The following BLNK variants were observed in gnomAD, a reference collection of about 807,000 sequenced individuals.
BLNK encodes the protein B cell linker.
BLNK carries 29 observed loss-of-function variants against 73.5 expected under a neutral mutation model. The observed-to-expected ratio is 0.39, with a 90% CI of 0.29 to 0.54. The LOEUF (loss-of-function observed/expected upper bound fraction) is 0.54. Ranked by LOEUF, BLNK falls within the 20% of genes least tolerant of loss-of-function variation. The pLI, the probability that BLNK is intolerant of heterozygous loss-of-function variation, is 0.61. For missense variants in BLNK, 460 were observed against 562.8 expected (o/e 0.82, Z 1.85); for synonymous variants, 176 against 200.8 (o/e 0.88, Z 1.04).
In BLNK at chr10:96,230,803, G is replaced by C; in HGVS notation, c.195C>G (p.Ser65=). ...AGGAGCAAATACTTACAAAGTCATC[G>C]GACCACTGCTCCTCTTCGTCAGCAG... is the stretch of plus-strand genomic sequence containing the variant. The part of the protein sequence containing the change: ...ESPADEEEQW[S]DDFDSDYENP... The change falls in exon 4 of 17, where the codon TCC becomes TCG. Residue 65 remains serine, a synonymous_variant. Transcript: ENST00000224337. 6.2e-7 allele frequency: 1 copy of C among 1,610,702 alleles called. No homozygotes were observed. The highest frequency in any genetic ancestry group is 8.5e-7 in the Non-Finnish European group (1 of 1,178,744).
chr10:96,271,288 G>A (rs1239239388), intron 1 of BLNK, 64 bp downstream of exon 1: 2 of 1,540,600 alleles, frequency 1.3e-6, no homozygotes, highest in African/African-American at 1.4e-5. Context: ...TTTCTGAGAT[G>A]CCATAAGAGC....
intron 16 of BLNK, among the ~76,000 whole-genome samples, chr10:96,194,867 T>C (rs1231259761): frequency 2.8e-5 from 4 of 140,892 alleles, no homozygotes; most frequent in African/African-American, 1.0e-4. Flanking sequence ...GCCTCCCGGG[T>C]TCACGCCATT....
chr10:96,199,421 A>G lies in BLNK; in HGVS notation c.1095+654T>C, dbSNP rs1179685472. 3 of 403,076 alleles carry G rather than the reference A, an allele frequency of 7.4e-6. No homozygotes were observed. In the East Asian group the frequency reaches 2.2e-4, roughly 30 times the overall value. The allele number at this position is 403,076 out of a possible 1,614,324, so 25.0% of individuals were successfully genotyped here. On this transcript the variant is annotated intron_variant, in intron 15 of 16. Coordinates refer to ENST00000224337, the MANE Select transcript of BLNK (RefSeq NM_013314.4). ...TTAATCCTGCACATTGATCCAAAAT[A>G]GCCTGTCACTGTTCACTCCTCAGTG...
chr10:96,208,896 G>C (rs1221419813), intron 9 of BLNK, among the ~76,000 whole-genome samples: 1 of 152,162 alleles, frequency 6.6e-6, no homozygotes, highest in Non-Finnish European at 1.5e-5. Context: ...GACGTATGCA[G>C]AGTTTTGGTT....
intron 13 of BLNK, among the ~76,000 whole-genome samples, chr10:96,202,884 G>A (rs1294239777): frequency 6.6e-6 from 1 of 152,158 alleles, no homozygotes; most frequent in African/African-American, 2.4e-5. Context: ...AGCTCTTTGT[G>A]GAATGAGCTA....
At chr10:96,212,465 G>T (rs1339593761) in intron 8 of BLNK, among the ~76,000 whole-genome samples, 2 of 152,136 alleles carry the variant, frequency 1.3e-5, no homozygotes, top group African/African-American at 4.8e-5. Context: ...TTCAGAGGAA[G>T]AAACTAAGAA....
At chr10:96,219,322 T>C (rs2084141315) in intron 6 of BLNK, among the ~76,000 whole-genome samples, 2 of 152,202 alleles carry the variant, frequency 1.3e-5, no homozygotes. Flanking sequence ...ACCTTTTTGG[T>C]TCTATGGGTT....
At chr10:96,265,964 G>A (rs1373423925) in intron 1 of BLNK, among the ~76,000 whole-genome samples, 2 of 152,218 alleles carry the variant, frequency 1.3e-5, no homozygotes, top group Non-Finnish European at 2.9e-5. Context: ...CCCTGATGGA[G>A]AACCATTGAT....
At chr10:96,210,680 G>A (rs187161241) in intron 8 of BLNK, among the ~76,000 whole-genome samples, 5 of 152,114 alleles carry the variant, frequency 3.3e-5, no homozygotes, top group African/African-American at 1.2e-4. Flanking sequence ...GGCCAGGAGG[G>A]GAGAGGCCAG....
At chr10:96,225,515 A>G (rs1373970964) in intron 5 of BLNK, among the ~76,000 whole-genome samples, 1 of 152,194 alleles carries the variant, frequency 6.6e-6, no homozygotes, top group Admixed American at 6.5e-5. Flanking sequence ...TTCTGTGCCT[A>G]TAACTCTTGT....
At chr10:96,245,246 G>A (rs2134087836) in intron 2 of BLNK, among the ~76,000 whole-genome samples, 1 of 152,210 alleles carries the variant, frequency 6.6e-6, no homozygotes, top group African/African-American at 2.4e-5. Context: ...TTTTAGCATA[G>A]ATTAAAACGA....
At chr10:96,212,180 A>C (rs1209783941) in intron 8 of BLNK, among the ~76,000 whole-genome samples, 1 of 152,126 alleles carries the variant, frequency 6.6e-6, no homozygotes, top group East Asian at 1.9e-4. Context: ...CACGGAGGAC[A>C]CTGGTGGAAA....
chr10:96,269,312 G>C (rs1844161338), intron 1 of BLNK, among the ~76,000 whole-genome samples: 2 of 151,934 alleles, frequency 1.3e-5, no homozygotes, highest in Admixed American at 1.3e-4. Context: ...CCAAAGGGAG[G>C]AATCATAAAA....
At position 96,191,089 on chromosome 10, in the gene BLNK, G is replaced by A. The variant is rs587748255; in HGVS notation, c.*884C>T. Among the ~76,000 whole-genome samples, 4 of 152,246 alleles carry A rather than the reference G, an allele frequency of 2.6e-5. No individual in the cohort carries two copies. The highest frequency in any genetic ancestry group is 2.0e-4 in the Admixed American group (3 of 15,292). ...TGTTGTGATAGTGAGTAAGTCTCATGAGATCTGATGGTTTTATAAAGGGCA... is the reference window on the plus strand; with the variant it reads ...TGTTGTGATAGTGAGTAAGTCTCATAAGATCTGATGGTTTTATAAAGGGCA... On this transcript the variant is annotated 3_prime_UTR_variant, in exon 17 of 17. Coordinates refer to ENST00000224337, the MANE Select transcript of BLNK (RefSeq NM_013314.4).
At chr10:96,263,949 T>A (rs1554913587) in intron 1 of BLNK, among the ~76,000 whole-genome samples, 6 of 152,152 alleles carry the variant, frequency 3.9e-5, no homozygotes. Context: ...AGCATCACAC[T>A]TCAGGGTTCT....
intron 3 of BLNK, among the ~76,000 whole-genome samples, chr10:96,241,747 T>G (rs1264287860): frequency 6.6e-6 from 1 of 151,876 alleles, no homozygotes; most frequent in East Asian, 1.9e-4. Context: ...TTTTTTTTTT[T>G]TGAGACAGGG....
chr10:96,252,452 CT>C (rs2134109591), intron 1 of BLNK, among the ~76,000 whole-genome samples: 1 of 152,228 alleles, frequency 6.6e-6, no homozygotes, highest in East Asian at 1.9e-4. Flanking sequence ...TATTGTGGGC[CT>C]TTTAGTTGTG....
intron 8 of BLNK, among the ~76,000 whole-genome samples, chr10:96,213,042 T>C (rs2083983784): frequency 6.6e-6 from 1 of 152,252 alleles, no homozygotes. Flanking sequence ...AATACAGCTA[T>C]ACCAGGTTAA....
At chr10:96,196,707 C>T (rs1478465204) in intron 16 of BLNK, among the ~76,000 whole-genome samples, 2 of 152,190 alleles carry the variant, frequency 1.3e-5, no homozygotes, top group Non-Finnish European at 2.9e-5. Context: ...ATGTACATCA[C>T]ATGACTTTTT....
Sources: allele counts gnomAD v4.1 joint callset (sites outside exome capture counted in the v4.1 genomes callset), GRCh38; gene constraint gnomAD v4.1.1; transcripts MANE v1.5; gene names NCBI Gene and HGNC (gene_info 2026-07-23, HGNC 2026-07-21).